PPP1R1C: variants seen among roughly 807,000 people sequenced by gnomAD.
PPP1R1C encodes the protein protein phosphatase 1 regulatory subunit 1C.
In PPP1R1C, 15 loss-of-function variants were observed where a neutral mutation model predicts 17.4. The ratio of observed to expected loss-of-function variants is 0.86; its 90% confidence interval spans 0.58 to 1.33. The LOEUF is 1.33. Among genes scored for constraint, PPP1R1C ranks in the 40% most tolerant of loss-of-function variants. PPP1R1C has a pLI of 0.00. For missense variants in PPP1R1C, 143 were observed against 130.0 expected (o/e 1.10, Z -0.48); for synonymous variants, 35 against 43.1 (o/e 0.81, Z 0.73).
rs1349513350 is a variant in PPP1R1C at position 182,117,261 on chromosome 2, G to C, written c.296G>C (p.Gly99Ala). The C allele has an allele frequency of 6.4e-7, 1 of 1,564,460 alleles. No homozygotes were observed. Among genetic ancestry groups the C allele is most frequent in the Admixed American group, 1.9e-5 (1 of 52,804 alleles). The change falls in exon 5 of 5, where the codon GGC becomes GCC. Residue 99 changes from glycine to alanine, a missense_variant. Gly to Ala is a moderately conservative substitution (Grantham distance 60). Coordinates refer to ENST00000682840, the MANE Select transcript of PPP1R1C (RefSeq NM_001080545.3). The stretch of plus-strand genomic sequence containing the variant: ...TCAGCATTCCCTGAAGAAGAAGAAG[G>C]CACCAATGAAAGAGAGGAGCAGCGG... The part of the protein sequence containing the change: ...NESAFPEEEE[G>A]TNEREEQRDH
chr2:182,078,405 G>A (rs1261427823), intron 4 of PPP1R1C, among the ~76,000 whole-genome samples: 1 of 152,100 alleles, frequency 6.6e-6, no homozygotes, highest in African/African-American at 2.4e-5. Context: ...TAACCAAAGT[G>A]AGCTTCATGA....
At chr2:182,064,794 T>A (rs1687942625) in intron 4 of PPP1R1C, among the ~76,000 whole-genome samples, 2 of 152,074 alleles carry the variant, frequency 1.3e-5, no homozygotes, top group South Asian at 4.1e-4. Flanking sequence ...ACTAGGCATC[T>A]CTCTCTGAAG....
rs557900427 is a variant in PPP1R1C, at chr2:182,070,932, A to T, written c.241+7141A>T. On this transcript the variant is annotated intron_variant, in intron 4 of 4. Coordinates refer to ENST00000682840, the MANE Select transcript of PPP1R1C (RefSeq NM_001080545.3). ...ACACACTGTTAAACAACCAGATCTC[A>T]CAATAACTCCCTCACACACTATCAG... 1.8e-4 allele frequency among the ~76,000 whole-genome samples: 28 copies of T among 152,168 alleles called. No homozygotes were observed. The South Asian group carries it at 5.4e-3, about 29-fold the overall frequency.
At chr2:182,012,093 C>A (rs982785636) in intron 2 of PPP1R1C, among the ~76,000 whole-genome samples, 2 of 151,972 alleles carry the variant, frequency 1.3e-5, no homozygotes, top group East Asian at 3.9e-4. Flanking sequence ...TATTTTATGG[C>A]CATTGGATAA....
At chr2:182,014,804 G>C (rs2125158355) in intron 2 of PPP1R1C, among the ~76,000 whole-genome samples, 1 of 150,590 alleles carries the variant, frequency 6.6e-6, no homozygotes, top group African/African-American at 2.4e-5. Flanking sequence ...CAAGCAGAAG[G>C]AGACTCTCTT....
intron 2 of PPP1R1C, among the ~76,000 whole-genome samples, chr2:182,059,160 G>A (rs76315380): frequency 0.045 from 6,888 of 152,098 alleles, 525 homozygotes; most frequent in African/African-American, 0.16. Flanking sequence ...TTCTTAAAAT[G>A]TTATACTTAG....
At chr2:182,029,060 G>T (rs906169467) in intron 2 of PPP1R1C, among the ~76,000 whole-genome samples, 4 of 144,044 alleles carry the variant, frequency 2.8e-5, no homozygotes, top group African/African-American at 1.0e-4. Flanking sequence ...TTTTCCCTTG[G>T]CTTGGTAGAT....
intron 2 of PPP1R1C, among the ~76,000 whole-genome samples, chr2:182,044,691 CA>C (rs1038700734): frequency 2.0e-5 from 3 of 152,116 alleles, no homozygotes; most frequent in African/African-American, 7.2e-5. Flanking sequence ...CTGTCTTTTT[CA>C]ATAGAGTTTA....
At chr2:182,060,145 T>A (rs1687808652) in intron 2 of PPP1R1C, among the ~76,000 whole-genome samples, 1 of 152,056 alleles carries the variant, frequency 6.6e-6, no homozygotes, top group African/African-American at 2.4e-5. Context: ...CATACTAAAC[T>A]GTCTGTCCTC....
rs150597835 is a variant in PPP1R1C at position 182,089,811 on chromosome 2, C to T, written c.241+26020C>T. On this transcript the variant is annotated intron_variant, in intron 4 of 4. Coordinates refer to ENST00000682840, the MANE Select transcript of PPP1R1C (RefSeq NM_001080545.3). ...GTTACTAATAAGATAAATAACAGTA[C>T]ATATCAATTTCTAAAAATTAGGTTT... is the stretch of plus-strand genomic sequence containing the variant. Among the ~76,000 whole-genome samples, 60 of 152,082 alleles carry T rather than the reference C, an allele frequency of 3.9e-4. No individual in the cohort carries two copies. The East Asian group carries it at 5.6e-3, about 14-fold the overall frequency.
chr2:182,026,553 T>C (rs1686618083), intron 2 of PPP1R1C, among the ~76,000 whole-genome samples: 2 of 150,890 alleles, frequency 1.3e-5, no homozygotes. Flanking sequence ...GGCTGTGTTC[T>C]GTTCCATTGA....
chr2:182,121,146 A>G (rs1470393981), downstream of PPP1R1C, among the ~76,000 whole-genome samples: 2 of 152,202 alleles, frequency 1.3e-5, no homozygotes, highest in Non-Finnish European at 2.9e-5. Context: ...AACAGAAACT[A>G]TATTTCCCAG....
intron 2 of PPP1R1C, among the ~76,000 whole-genome samples, chr2:182,049,332 C>CAAAAA (rs3064024): frequency 3.8e-5 from 3 of 77,960 alleles, no homozygotes; most frequent in African/African-American, 5.3e-5. Context: ...GATTCCATCT[C>CAAAAA]AAAAAAAAAA....
chr2:182,084,966 C>T (rs1378595795), intron 4 of PPP1R1C, among the ~76,000 whole-genome samples: 2 of 151,940 alleles, frequency 1.3e-5, no homozygotes, highest in African/African-American at 4.8e-5. Flanking sequence ...AGATCTTTTA[C>T]CTCCTTGGTT....
chr2:181,960,898 AT>A (rs1303088334), intron 1 of PPP1R1C, among the ~76,000 whole-genome samples: 1 of 152,226 alleles, frequency 6.6e-6, no homozygotes, highest in Non-Finnish European at 1.5e-5. Context: ...AATTACAGAA[AT>A]TCCATTGAAA....
At chr2:182,118,206 T>C (rs1689642372), downstream of PPP1R1C, among the ~76,000 whole-genome samples, 3 of 152,162 alleles carry the variant, frequency 2.0e-5, no homozygotes, top group Admixed American at 2.0e-4. Flanking sequence ...GAAGGTACTA[T>C]GCTGCGAATT....
At position 181,986,121 on chromosome 2, in the gene PPP1R1C, A is replaced by G. The variant is rs757093156; in HGVS notation, c.11A>G (p.Asn4Ser). The change falls in exon 1 of 5, where the codon AAC (asparagine) becomes AGC (serine). Residue 4 changes from asparagine to serine, a missense_variant. Coordinates refer to ENST00000682840, the MANE Select transcript of PPP1R1C (RefSeq NM_001080545.3). Reference sequence around the variant, plus strand: ...ATTATCATCATTACCATGGAGCCCAACAGTCCCAAAAAGATACAGTTTGCC... The same window carrying G: ...ATTATCATCATTACCATGGAGCCCAGCAGTCCCAAAAAGATACAGTTTGCC... MEP[N>S]SPKKIQFAVP... 3.7e-6 allele frequency: 6 copies of G among 1,613,564 alleles called. No individual in the cohort carries two copies. The highest frequency in any genetic ancestry group is 2.2e-5 in the East Asian group (1 of 44,874).
At chr2:182,000,217 G>A (rs1453777749) in intron 2 of PPP1R1C, among the ~76,000 whole-genome samples, 5 of 152,180 alleles carry the variant, frequency 3.3e-5, no homozygotes, top group African/African-American at 1.2e-4. Flanking sequence ...TATTCACAAG[G>A]CTGCTGGGAG....
At chr2:181,979,434 T>G (rs1363230283) in intron 2 of PPP1R1C, among the ~76,000 whole-genome samples, 1 of 152,236 alleles carries the variant, frequency 6.6e-6, no homozygotes, top group African/African-American at 2.4e-5. Flanking sequence ...TCAGATAATC[T>G]TGTCTCTGGT....
Sources: gnomAD v4.1 joint callset for allele counts (sites outside exome capture counted in the v4.1 genomes callset) on GRCh38, gnomAD v4.1.1 for gene constraint, MANE v1.5 for transcripts, NCBI Gene and HGNC (gene_info 2026-07-23, HGNC 2026-07-21) for gene names.